Variants in GATB observed in about 807,000 individuals in gnomAD.
The protein encoded by GATB is glutamyl-tRNA amidotransferase subunit B.
A neutral mutation model predicts 62.3 loss-of-function variants in GATB; 39 were observed. The ratio of observed to expected loss-of-function variants is 0.63; its 90% CI spans 0.48 to 0.82. The LOEUF (loss-of-function observed/expected upper bound fraction) is 0.82. GATB is among the 40% of genes least tolerant of loss of function. The pLI, the probability that GATB is intolerant of heterozygous loss-of-function variation, is 0.00. For missense variants in GATB, 670 were observed against 684.0 expected (o/e 0.98, Z 0.23); for synonymous variants, 276 against 258.9 (o/e 1.07, Z -0.63).
chr4:151,753,918 A>G (rs1739770208), intron 2 of GATB, among the ~76,000 whole-genome samples: 3 of 152,108 alleles, frequency 2.0e-5, no homozygotes, highest in Admixed American at 1.3e-4. Flanking sequence ...TTCTTCCTCC[A>G]TGCCATGACA....
chr4:151,688,555 T>A, intron 10 of GATB, 75 bp downstream of exon 10: 1 of 1,473,810 alleles, frequency 6.8e-7, no homozygotes, highest in East Asian at 2.3e-5. Flanking sequence ...AGCAAAAAAA[T>A]GGACCTGCCC....
intron 11 of GATB, chr4:151,674,541 A>G (rs1176304780): frequency 2.0e-5 from 3 of 152,264 alleles, no homozygotes; most frequent in South Asian, 2.1e-4. Flanking sequence ...CATTTTCTCA[A>G]GAAAACCAAT....
chr4:151,758,196 G>T (rs1739875717), intron 2 of GATB, among the ~76,000 whole-genome samples: 1 of 152,094 alleles, frequency 6.6e-6, no homozygotes. Flanking sequence ...GTAAAATCAT[G>T]TAATATACAC....
chr4:151,703,595 A>G (rs1176601583), intron 8 of GATB: 2 of 529,340 alleles, frequency 3.8e-6, no homozygotes, highest in East Asian at 3.3e-5. Context: ...ACTTTGACAC[A>G]GCAGTGGATG....
intron 4 of GATB, 184 bp from the exon 5 acceptor site, chr4:151,716,315 C>T: frequency 1.7e-6 from 1 of 597,012 alleles, no homozygotes; most frequent in Non-Finnish European, 2.7e-6. Context: ...CGTCATCTTG[C>T]TCTGCTGCCC....
intron 2 of GATB, among the ~76,000 whole-genome samples, chr4:151,757,610 C>T (rs1252575961): frequency 1.3e-5 from 2 of 151,776 alleles, no homozygotes; most frequent in Non-Finnish European, 2.9e-5. Flanking sequence ...GTAACTGGGA[C>T]TACAGGAGCC....
intron 2 of GATB, among the ~76,000 whole-genome samples, chr4:151,737,842 T>C (rs927409955): frequency 6.6e-6 from 1 of 152,192 alleles, no homozygotes; most frequent in Non-Finnish European, 1.5e-5. Flanking sequence ...GTGTTGAGCC[T>C]GTGGGTGCAC....
chr4:151,689,852 G>A (rs1207849765), intron 9 of GATB, among the ~76,000 whole-genome samples: 1 of 152,052 alleles, frequency 6.6e-6, no homozygotes, highest in African/African-American at 2.4e-5. Flanking sequence ...ACAGCTTGCT[G>A]CCAGCTCAGA....
At chr4:151,748,854 G>T (rs1028640562) in intron 2 of GATB, among the ~76,000 whole-genome samples, 5 of 152,230 alleles carry the variant, frequency 3.3e-5, no homozygotes, top group African/African-American at 1.2e-4. Context: ...CGAAGGATAT[G>T]AATAGACACT....
At chr4:151,687,721 T>A (rs534674958) in intron 10 of GATB, among the ~76,000 whole-genome samples, 96 of 152,192 alleles carry the variant, frequency 6.3e-4, no homozygotes, top group African/African-American at 2.2e-3. Context: ...TAAGAAGAGA[T>A]TGGAGGGCCT....
intron 2 of GATB, among the ~76,000 whole-genome samples, chr4:151,745,734 C>T (rs887266581): frequency 1.2e-4 from 18 of 152,162 alleles, no homozygotes; most frequent in Non-Finnish European, 2.4e-4. Context: ...AGTATGCACT[C>T]TTGTGAATAA....
rs555902469 is a variant in GATB at position 151,719,488 on chromosome 4, C to T, written c.378G>A (p.Leu126=). 1 of 1,611,404 alleles carries T rather than the reference C, an allele frequency of 6.2e-7. No homozygotes were observed. The highest frequency in any genetic ancestry group is 8.5e-7 in the Non-Finnish European group (1 of 1,178,862). ...AGGACTTCTTGTTTATGTGGCAGTT[C>T]AGAGCCAGGCCTGTCATCACCGCCG... ...VEAAVMTGLA[L]NCHINKKSLF... is the part of the protein sequence containing the mutation. Residue 126 remains leucine (L), a synonymous_variant, in exon 3 of 13, where the codon CTG becomes CTA. Coordinates refer to ENST00000263985, the MANE Select transcript of GATB (RefSeq NM_004564.3).
At chr4:151,749,065 T>G (rs1000314936) in intron 2 of GATB, among the ~76,000 whole-genome samples, 1 of 152,230 alleles carries the variant, frequency 6.6e-6, no homozygotes. Flanking sequence ...TTGGTAGGAC[T>G]GTAAACTAGT....
At chr4:151,731,999 G>A (rs1360369174) in intron 2 of GATB, among the ~76,000 whole-genome samples, 9 of 145,934 alleles carry the variant, frequency 6.2e-5, no homozygotes, top group Admixed American at 6.7e-5. Context: ...CCCCGTCCGG[G>A]AGGGAGGTGG....
At chr4:151,691,882 A>G (rs564204307) in intron 9 of GATB, among the ~76,000 whole-genome samples, 1 of 152,320 alleles carries the variant, frequency 6.6e-6, no homozygotes, top group East Asian at 1.9e-4. Context: ...ATGCAAGTTG[A>G]GGAACAGCTG....
chr4:151,710,075 C>T (rs1194107339), intron 5 of GATB, among the ~76,000 whole-genome samples: 1 of 152,160 alleles, frequency 6.6e-6, no homozygotes, highest in African/African-American at 2.4e-5. Context: ...CCCTCCTCAG[C>T]AAGCTGGCCT....
chr4:151,680,695 G>T (rs1738121159), intron 10 of GATB, among the ~76,000 whole-genome samples: 1 of 152,168 alleles, frequency 6.6e-6, no homozygotes, highest in African/African-American at 2.4e-5. Flanking sequence ...TACAGGTTGA[G>T]TTACCTCATC....
chr4:151,736,645 C>T (rs1178454243), intron 2 of GATB, among the ~76,000 whole-genome samples: 3 of 152,220 alleles, frequency 2.0e-5, no homozygotes, highest in Admixed American at 6.5e-5. Flanking sequence ...TCTGTGCTCA[C>T]ATTTTAATGA....
At chr4:151,741,119 T>C (rs1739476686) in intron 2 of GATB, among the ~76,000 whole-genome samples, 2 of 152,166 alleles carry the variant, frequency 1.3e-5, no homozygotes, top group Non-Finnish European at 2.9e-5. Context: ...CCAAGTCCGA[T>C]ATAGACTATT....
Sources: gnomAD v4.1 joint callset for allele counts (sites outside exome capture counted in the v4.1 genomes callset) on GRCh38, gnomAD v4.1.1 for gene constraint, MANE v1.5 for transcripts, NCBI Gene and HGNC (gene_info 2026-07-23, HGNC 2026-07-21) for gene names.